Variants in AFF2 observed in about 807,000 individuals in gnomAD.
The protein encoded by AFF2 is AF4/FMR2 family member 2.
AFF2 carries 14 observed loss-of-function variants against 76.9 expected under a neutral mutation model. The observed-to-expected ratio is 0.18, with a 90% confidence interval of 0.12 to 0.28. AFF2 has a LOEUF of 0.28. AFF2 is among the 10% of genes least tolerant of loss of function. The probability of loss-of-function intolerance (pLI) is 1.00; values close to 1 mark genes in which losing one functional copy is unlikely to be tolerated. For synonymous variants in AFF2, 398 were observed against 366.7 expected (o/e 1.09, Z -0.98); for missense variants, 868 against 1,001.1 (o/e 0.87, Z 1.79).
At chrX:148,726,844 C>T (rs2124547986) in intron 3 of AFF2, among the ~76,000 whole-genome samples, 1 of 111,123 alleles carries the variant, frequency 9.0e-6, no homozygotes, top group East Asian at 2.9e-4. Flanking sequence ...ATCCAGATAG[C>T]CAGGGCACAC....
intron 1 of AFF2, among the ~76,000 whole-genome samples, chrX:148,603,728 C>G (rs1377994958): frequency 2.7e-5 from 3 of 109,732 alleles, no homozygotes; most frequent in Non-Finnish European, 5.7e-5. Flanking sequence ...AGCTCAGTTC[C>G]AGCATTTTTG....
At chrX:148,767,528 G>A (rs1359743667) in intron 3 of AFF2, among the ~76,000 whole-genome samples, 2 of 112,003 alleles carry the variant, frequency 1.8e-5, no homozygotes, top group African/African-American at 6.5e-5. Flanking sequence ...GTTTCTCAGG[G>A]AATTTGCCCC....
chrX:148,662,857 A>C, intron 3 of AFF2, 89 bp downstream of exon 3: 21 of 965,088 alleles, frequency 2.2e-5, no homozygotes, highest in East Asian at 3.3e-5. Flanking sequence ...AGCAGCTCTC[A>C]TTTACCTTAA....
chrX:148,797,392 A>T lies in AFF2; in HGVS notation c.1042-12484A>T, dbSNP rs183831648. Among the ~76,000 whole-genome samples the T allele has an allele frequency of 4.5e-5, 5 of 112,079 alleles. No individual in the cohort carries two copies. The East Asian group carries it at 1.4e-3, about 31-fold the overall frequency. On this transcript the variant is annotated intron_variant, in intron 3 of 20. Coordinates refer to ENST00000370460, the MANE Select transcript of AFF2 (RefSeq NM_002025.4). ...ATTAAACAGTATCTCATGAAGTGCT[A>T]AAGGAATCCTGAGGGCAGGGACAAA...
chrX:148,563,624 C>T (rs993132519), intron 1 of AFF2, among the ~76,000 whole-genome samples: 15 of 112,099 alleles, frequency 1.3e-4, no homozygotes, highest in Middle Eastern at 4.6e-3. Context: ...TTATATAACT[C>T]GGACAGTCCA....
intron 2 of AFF2, among the ~76,000 whole-genome samples, chrX:148,656,747 G>T (rs782694393): frequency 4.5e-5 from 5 of 109,946 alleles, no homozygotes; most frequent in Admixed American, 9.6e-5. Flanking sequence ...TGATCCGCCC[G>T]CCTCGGCCTC....
intron 1 of AFF2, among the ~76,000 whole-genome samples, chrX:148,556,815 A>G (rs1263834722): frequency 1.8e-5 from 2 of 112,293 alleles, no homozygotes; most frequent in Non-Finnish European, 3.8e-5. Context: ...GGGAGGCACC[A>G]TCTTATTCCA....
At chrX:148,920,642 G>GTC (rs1409506001) in intron 9 of AFF2, among the ~76,000 whole-genome samples, 1 of 109,419 alleles carries the variant, frequency 9.1e-6, no homozygotes, top group Non-Finnish European at 1.9e-5. Context: ...GCGTGTGTGT[G>GTC]TGTGTGTATT....
At chrX:148,584,557 ATTT>A (rs3040766) in intron 1 of AFF2, among the ~76,000 whole-genome samples, 2 of 94,781 alleles carry the variant, frequency 2.1e-5, no homozygotes, top group Non-Finnish European at 2.1e-5. Context: ...AAATGAAATG[ATTT>A]TTTTTTTTTT....
intron 3 of AFF2, among the ~76,000 whole-genome samples, chrX:148,703,842 T>G (rs1557262076): frequency 9.0e-6 from 1 of 111,003 alleles, no homozygotes; most frequent in East Asian, 2.8e-4. Flanking sequence ...GTTTCACTTA[T>G]TAGTTATAAT....
rs1438886635 is a variant in AFF2, at chrX:148,995,082, T to A, written c.*3750T>A. 1 of 112,077 alleles carries A rather than the reference T, an allele frequency of 8.9e-6. No homozygotes were observed. Among genetic ancestry groups the A allele is most frequent in the Non-Finnish European group, 1.9e-5 (1 of 53,141 alleles). The allele number at this position is 112,077 out of a possible 1,213,427, so 9.2% of individuals were successfully genotyped here. A position where few individuals can be genotyped will look rare whatever the true frequency, so the allele number is the denominator to read the frequency against. On this transcript the variant is annotated 3_prime_UTR_variant, in exon 21 of 21. Coordinates refer to ENST00000370460, the MANE Select transcript of AFF2 (RefSeq NM_002025.4). ...CAAATTTAATTCTGTGGGGAAAAAT[T>A]ATTGAGCCAGTTGTCAGTGTTCTGT...
intron 1 of AFF2, among the ~76,000 whole-genome samples, chrX:148,578,478 TCA>T (rs1557243851): frequency 9.0e-6 from 1 of 111,609 alleles, no homozygotes; most frequent in Non-Finnish European, 1.9e-5. Context: ...GTTGAAGGGA[TCA>T]GCTTTTATGT....
intron 3 of AFF2, among the ~76,000 whole-genome samples, chrX:148,781,319 G>T (rs1398136232): frequency 8.9e-6 from 1 of 112,273 alleles, no homozygotes; most frequent in South Asian, 3.7e-4. Flanking sequence ...CTGAAGCTGC[G>T]CCCACAGCTG....
intron 1 of AFF2, among the ~76,000 whole-genome samples, chrX:148,592,928 CTT>C (rs2053537210): frequency 8.9e-6 from 1 of 112,276 alleles, no homozygotes; most frequent in Admixed American, 9.4e-5. Context: ...GCTTTTCTCT[CTT>C]TTCTTTCTTA....
chrX:148,654,337 A>G (rs2054230549), intron 2 of AFF2, among the ~76,000 whole-genome samples: 1 of 111,619 alleles, frequency 9.0e-6, no homozygotes, highest in South Asian at 3.8e-4. Flanking sequence ...GTTGATGACA[A>G]TGGTCATTGT....
intron 1 of AFF2, among the ~76,000 whole-genome samples, chrX:148,536,233 C>G (rs2052785091): frequency 9.1e-6 from 1 of 110,036 alleles, no homozygotes; most frequent in Admixed American, 9.7e-5. Flanking sequence ...AAGAATTCGA[C>G]CATCCATTTA....
At position 148,500,734 on chromosome X, in the gene AFF2, C is replaced by CGCCGCCGCT. The variant is rs1182464519; in HGVS notation, c.-355_-347dup. 5 of 98,642 alleles carry CGCCGCCGCT rather than the reference C, an allele frequency of 5.1e-5. No individual in the cohort carries two copies. Among genetic ancestry groups the CGCCGCCGCT allele is most frequent in the Non-Finnish European group, 8.3e-5 (4 of 47,927 alleles). 8.1% of individuals were successfully genotyped at this position (98,642 alleles called of 1,213,427 possible). On this transcript the variant is annotated 5_prime_UTR_variant, in exon 1 of 21. Coordinates refer to ENST00000370460, the MANE Select transcript of AFF2 (RefSeq NM_002025.4). The stretch of plus-strand genomic sequence containing the variant: ...CCGCTGCCTCTGCCCCGGCCGCCCC[C>CGCCGCCGCT]GCCGCCGCTGCCGCCGCCGGCCCGC...
At chrX:148,949,197 T>A (rs1412395347) in intron 9 of AFF2, among the ~76,000 whole-genome samples, 1 of 111,607 alleles carries the variant, frequency 9.0e-6, no homozygotes, top group Non-Finnish European at 1.9e-5. Flanking sequence ...CTTATCTGCA[T>A]CTATTCATTA....
chrX:148,743,869 G>A (rs2055390233), intron 3 of AFF2, among the ~76,000 whole-genome samples: 1 of 111,055 alleles, frequency 9.0e-6, no homozygotes, highest in Non-Finnish European at 1.9e-5. Flanking sequence ...TGCTTGCAAA[G>A]AATGGAGAAA....
Sources: gnomAD v4.1 joint callset for allele counts (sites outside exome capture counted in the v4.1 genomes callset) on GRCh38, gnomAD v4.1.1 for gene constraint, MANE v1.5 for transcripts, NCBI Gene and HGNC (gene_info 2026-07-23, HGNC 2026-07-21) for gene names.